The following RBPMS variants were observed in gnomAD, a reference collection of about 807,000 sequenced individuals.
RBPMS encodes RNA binding protein, mRNA processing factor.
RBPMS carries 7 observed loss-of-function variants against 26.8 expected under a neutral mutation model. The observed-to-expected ratio is 0.26, with a 90% CI of 0.15 to 0.49. The LOEUF (loss-of-function observed/expected upper bound fraction) is 0.49, where lower values mean the gene tolerates loss of function less well. Among genes scored for constraint, RBPMS ranks in the 20% least tolerant of loss-of-function variants. The probability of loss-of-function intolerance (pLI) is 0.98; values close to 1 mark genes in which losing one functional copy is unlikely to be tolerated. For missense variants in RBPMS, 186 were observed against 250.0 expected, an observed-to-expected ratio of 0.74 and a Z score of 1.73; for synonymous variants, 96 against 93.3, an observed-to-expected ratio of 1.03 and a Z score of -0.17.
At chr8:30,489,650 G>T (rs1819176296) in intron 4 of RBPMS, among the ~76,000 whole-genome samples, 2 of 151,724 alleles carry the variant, frequency 1.3e-5, no homozygotes, top group African/African-American at 2.4e-5. Context: ...TCACCCCGTT[G>T]GTCAGGCTGG....
intron 6 of RBPMS, among the ~76,000 whole-genome samples, chr8:30,548,990 C>T (rs373634469): frequency 1.9e-4 from 29 of 152,210 alleles, no homozygotes; most frequent in African/African-American, 7.0e-4. Flanking sequence ...GACCTCAGTG[C>T]GCACACAGCT....
In RBPMS at chr8:30,504,325, C is replaced by G; in HGVS notation, c.286C>G (p.Leu96Val). 1.2e-6 allele frequency: 2 copies of G among 1,614,132 alleles called. No individual in the cohort carries two copies. The highest frequency in any genetic ancestry group is 1.7e-6 in the Non-Finnish European group (2 of 1,179,978). Residue 96 changes from leucine to valine, a missense_variant, in exon 5 of 9, where the codon CTA becomes GTA. Transcript: ENST00000397323. ...TCCTGAAATTCCGCAAACACTACGA[C>G]TAGAGTTTGCTAAGGCAAACACGAA... ...FDPEIPQTLR[L>V]EFAKANTKMA...
At chr8:30,446,822 TGTGTGTGTGTGTGTGTGTGTGCGC>T (rs1380020583) in intron 1 of RBPMS, 15 of 97,468 alleles carry the variant, frequency 1.5e-4, no homozygotes, top group African/African-American at 7.4e-4. Context: ...TGTGTGTGTG[TGTGTGTGTGTGTGTGTGTGTGCGC>T]GCGCGCGCGC....
chr8:30,460,515 C>T (rs1455981734), intron 1 of RBPMS, among the ~76,000 whole-genome samples: 1 of 152,134 alleles, frequency 6.6e-6, no homozygotes, highest in Admixed American at 6.5e-5. Flanking sequence ...CTAGGCTTGA[C>T]ACTCTTAGTC....
At chr8:30,487,263 C>T (rs1289740187) in intron 4 of RBPMS, among the ~76,000 whole-genome samples, 2 of 152,196 alleles carry the variant, frequency 1.3e-5, no homozygotes, top group African/African-American at 2.4e-5. Flanking sequence ...TGAATGATCA[C>T]ATCATCACAG....
chr8:30,387,413 G>C (rs1259482565), intron 1 of RBPMS: 4 of 152,006 alleles, frequency 2.6e-5, no homozygotes, highest in African/African-American at 9.7e-5. Flanking sequence ...TTCTAACCCT[G>C]AAAGCCACAG....
At chr8:30,517,189 CGTGTGT>C (rs56327512) in intron 5 of RBPMS, among the ~76,000 whole-genome samples, 7,201 of 132,402 alleles carry the variant, frequency 0.054, 252 homozygotes, top group African/African-American at 0.092. Context: ...GCCAAGACCC[CGTGTGT>C]GTGTGTGTGT....
intron 6 of RBPMS, among the ~76,000 whole-genome samples, chr8:30,546,891 T>G (rs971114194): frequency 6.6e-6 from 1 of 152,166 alleles, no homozygotes; most frequent in Non-Finnish European, 1.5e-5. Flanking sequence ...CTGAAGGGGC[T>G]CTACCATGAC....
intron 5 of RBPMS, among the ~76,000 whole-genome samples, chr8:30,536,315 C>T (rs1003662822): frequency 6.6e-6 from 1 of 152,026 alleles, no homozygotes; most frequent in Non-Finnish European, 1.5e-5. Context: ...TTAGTGGAGA[C>T]GGGGTTTCTC....
Position 30,511,481 on chromosome 8 carries a change from AAAAAAATATATATATAT to A in RBPMS, c.397+7047_397+7063del, listed in dbSNP as rs1431002071. Reference sequence around the variant, plus strand: ...TTTAAAACAAAAAAAGAAAAAAAAAAAAAAAATATATATATATATATATATATATATATATATATATA... The same window carrying A: ...TTTAAAACAAAAAAAGAAAAAAAAAAATATATATATATATATATATATATA... On this transcript the variant is annotated intron_variant, in intron 5 of 8. Transcript: ENST00000397323. 2.6e-3 allele frequency among the ~76,000 whole-genome samples: 191 copies of A among 73,158 alleles called. 4 individuals are homozygous for A. Among genetic ancestry groups the A allele is most frequent in the African/African-American group, 0.013 (167 of 12,848 alleles). The allele number at this position is 73,158 out of a possible 152,430, so 48.0% of individuals were successfully genotyped here. A position where few individuals can be genotyped will look rare whatever the true frequency, so the allele number is the denominator to read the frequency against.
intron 1 of RBPMS, among the ~76,000 whole-genome samples, chr8:30,388,713 G>A (rs1807423727): frequency 6.6e-6 from 1 of 151,922 alleles, no homozygotes; most frequent in South Asian, 2.1e-4. Flanking sequence ...TTAAATATGT[G>A]ATTTGGTTTT....
At chr8:30,450,787 C>CAAAAAAAAAAAAAAAAAAAAA (rs59577795) in intron 1 of RBPMS, among the ~76,000 whole-genome samples, 4 of 87,384 alleles carry the variant, frequency 4.6e-5, no homozygotes, top group East Asian at 3.4e-4. Context: ...TGCCTGAAAG[C>CAAAAAAAAAAAAAAAAAAAAA]AAAAAAAAAA....
At chr8:30,449,369 CTTTTT>C in intron 1 of RBPMS, among the ~76,000 whole-genome samples, 1 of 106,474 alleles carries the variant, frequency 9.4e-6, no homozygotes, top group African/African-American at 4.0e-5. Flanking sequence ...CACATCTCCT[CTTTTT>C]TTTTTTTTTT....
At chr8:30,489,611 A>G (rs1361135871) in intron 4 of RBPMS, among the ~76,000 whole-genome samples, 1 of 151,024 alleles carries the variant, frequency 6.6e-6, no homozygotes, top group Admixed American at 6.6e-5. Context: ...CGCCCGGCGA[A>G]TTTTTGAATT....
intron 6 of RBPMS, among the ~76,000 whole-genome samples, chr8:30,555,180 G>C (rs937751251): frequency 5.3e-5 from 8 of 152,054 alleles, no homozygotes; most frequent in Non-Finnish European, 1.5e-5. Context: ...TGGGTATCTT[G>C]GTGCTCTCCT....
chr8:30,458,322 C>G (rs1326361016), intron 1 of RBPMS, among the ~76,000 whole-genome samples: 1 of 152,168 alleles, frequency 6.6e-6, no homozygotes, highest in African/African-American at 2.4e-5. Flanking sequence ...TACTTAGTCT[C>G]TCTGTCAGGT....
intron 6 of RBPMS, among the ~76,000 whole-genome samples, chr8:30,557,723 T>C (rs1202510868): frequency 1.3e-5 from 2 of 152,190 alleles, no homozygotes; most frequent in Non-Finnish European, 2.9e-5. Context: ...TCTGGGCTGC[T>C]CATGGTGGTC....
At chr8:30,485,790 C>T (rs1023440748) in intron 4 of RBPMS, among the ~76,000 whole-genome samples, 1 of 152,224 alleles carries the variant, frequency 6.6e-6, no homozygotes, top group Non-Finnish European at 1.5e-5. Flanking sequence ...CACTAGTTAA[C>T]AAGTGCCCAG....
chr8:30,442,584 TG>T, intron 1 of RBPMS: 1 of 152,438 alleles, frequency 6.6e-6, no homozygotes, highest in East Asian at 1.9e-4. Context: ...TTGTTCACGG[TG>T]GGGCCAGTCC....
Sources: gnomAD v4.1 joint callset for allele counts (sites outside exome capture counted in the v4.1 genomes callset) on GRCh38, gnomAD v4.1.1 for gene constraint, MANE v1.5 for transcripts, NCBI Gene and HGNC (gene_info 2026-07-23, HGNC 2026-07-21) for gene names.